Variants in PSTK observed in about 807,000 individuals in gnomAD.
The protein encoded by PSTK is L-seryl-tRNA(Sec) kinase.
A neutral mutation model predicts 38.6 loss-of-function variants in PSTK; 26 were observed. The observed-to-expected ratio is 0.67, with a 90% CI of 0.49 to 0.94. The LOEUF is 0.94. Ranked by LOEUF, PSTK falls within the 40% of genes least tolerant of loss-of-function variation. The pLI is 0.00. For synonymous variants in PSTK, 181 were observed against 161.7 expected (o/e 1.12, Z -0.91); for missense variants, 445 against 436.3 (o/e 1.02, Z -0.18).
In PSTK at chr10:122,980,415, T is replaced by G; in HGVS notation, c.-65T>G. On this transcript the variant is annotated 5_prime_UTR_variant, in exon 1 of 6. Transcript: ENST00000406217. The surrounding 1 kb of genome is among the most constrained non-coding windows in gnomAD (Gnocchi z 4.3). ...CGGTAGGCGGCGGAGACGCTGCGCGTGCGCGCAGGGCAGACGGTAGAGCGG... is the reference window on the plus strand; with the variant it reads ...CGGTAGGCGGCGGAGACGCTGCGCGGGCGCGCAGGGCAGACGGTAGAGCGG... 7.0e-7 allele frequency: 1 copy of G among 1,422,570 alleles called. No individual in the cohort carries two copies. The highest frequency in any genetic ancestry group is 9.3e-7 in the Non-Finnish European group (1 of 1,079,166). The allele number at this position is 1,422,570 out of a possible 1,614,324, so 88.1% of individuals were successfully genotyped here.
In PSTK at chr10:122,980,969, T is replaced by A; in HGVS notation, c.216+274T>A. ...TTTGATGCATGTATATGTTGTATATTCTATACAGTTGAGTCTTCAGACAGG... is the reference window on the plus strand; with the variant it reads ...TTTGATGCATGTATATGTTGTATATACTATACAGTTGAGTCTTCAGACAGG... On this transcript the variant is annotated intron_variant, in intron 1 of 5. Transcript: ENST00000406217. The surrounding 1 kb of genome is among the most constrained non-coding windows in gnomAD (Gnocchi z 4.3). 6.3e-6 allele frequency: 2 copies of A among 319,000 alleles called. No homozygotes were observed. The highest frequency in any genetic ancestry group is 9.1e-6 in the Non-Finnish European group (2 of 220,840). The allele number at this position is 319,000 out of a possible 1,614,324, so 19.8% of individuals were successfully genotyped here.
At chr10:122,981,562 CT>C (rs1428248586) in intron 1 of PSTK, among the ~76,000 whole-genome samples, 1 of 152,106 alleles carries the variant, frequency 6.6e-6, no homozygotes, top group East Asian at 1.9e-4. Flanking sequence ...TGTTTAATGC[CT>C]AATGTAGATG....
At chr10:122,981,515 T>C (rs185880608) in intron 1 of PSTK, among the ~76,000 whole-genome samples, 185 of 152,226 alleles carry the variant, frequency 1.2e-3, no homozygotes, top group Non-Finnish European at 2.2e-3. Flanking sequence ...TAAATACTCT[T>C]TGAAATATTC....
chr10:122,987,302 G>A (rs1228031259), intron 5 of PSTK: 2 of 1,589,222 alleles, frequency 1.3e-6, no homozygotes, highest in Admixed American at 1.8e-5. Context: ...AGGTAAGGCA[G>A]TGTAGTGATG....
chr10:122,990,065 T>A (rs1849109129), intron 5 of PSTK, 109 bp from the exon 6 acceptor site: 1 of 716,288 alleles, frequency 1.4e-6, no homozygotes, highest in South Asian at 2.1e-5. Context: ...ATTGTGATTG[T>A]TTATAGAATC....
Position 122,986,921 on chromosome 10 carries a change from C to T in PSTK, c.836C>T (p.Thr279Ile), listed in dbSNP as rs754050102. Residue 279 changes from threonine (T) to isoleucine (I), a missense_variant, in exon 5 of 6, where the codon ACA (threonine) becomes ATA (isoleucine). Physicochemically the swap from Thr to Ile is moderately conservative, Grantham distance 89 (BLOSUM62 -1). Coordinates refer to ENST00000406217, the MANE Select transcript of PSTK (RefSeq NM_001363531.2). Reference protein sequence around the residue: ...STNILHKTDQTLRRIVSQTMK... With the variant: ...STNILHKTDQILRRIVSQTMK... Reference sequence around the variant, plus strand: ...AACATTCTTCATAAAACTGATCAGACACTCCGAAGGATTGTATCTCAGACA... The same window carrying T: ...AACATTCTTCATAAAACTGATCAGATACTCCGAAGGATTGTATCTCAGACA... 21 of 1,612,646 alleles carry T rather than the reference C, an allele frequency of 1.3e-5. No individual in the cohort carries two copies. Among genetic ancestry groups the T allele is most frequent in the East Asian group, 4.5e-5 (2 of 44,864 alleles).
intron 4 of PSTK, 150 bp downstream of exon 4, chr10:122,986,525 C>T (rs1185740787): frequency 2.6e-5 from 17 of 656,860 alleles, no homozygotes; most frequent in Admixed American, 5.2e-5. Flanking sequence ...CAGCTCATGC[C>T]GGCTGGGCAA....
At position 122,980,624 on chromosome 10, in the gene PSTK, G is replaced by C. The variant is rs766902011; in HGVS notation, c.145G>C (p.Ala49Pro). 2 of 1,611,744 alleles carry C rather than the reference G, an allele frequency of 1.2e-6. No homozygotes were observed. Among genetic ancestry groups the C allele is most frequent in the Non-Finnish European group, 1.7e-6 (2 of 1,179,536 alleles). ...CCGGCTGCAGCAGGAGCAGGGTTGG[G>C]CCATCGGTGTTGTCGCGTATGATGA... The part of the protein sequence containing the change: ...AHRLQQEQGW[A>P]IGVVAYDDVM... Residue 49 changes from alanine to proline, a missense_variant, in exon 1 of 6, where the codon GCC becomes CCC. By Grantham distance (27) the Ala-to-Pro change is conservative. Coordinates refer to ENST00000406217, the MANE Select transcript of PSTK (RefSeq NM_001363531.2). This position sits in a 1 kb window ranked among gnomAD's most constrained non-coding sequence, Gnocchi z 4.3.
rs542118896 is a variant in PSTK, at chr10:122,980,451, C to T, written c.-29C>T. ...CAGACGGTAGAGCGGAGACGACGCT[C>T]CCAGACTCCTCCGGTCTCCCCGGGC... is the stretch of plus-strand genomic sequence containing the variant. On this transcript the variant is annotated 5_prime_UTR_variant, in exon 1 of 6. Transcript: ENST00000406217. This position sits in a 1 kb window ranked among gnomAD's most constrained non-coding sequence, Gnocchi z 4.3. The T allele has an allele frequency of 1.9e-6, 3 of 1,563,290 alleles. No individual in the cohort carries two copies. The highest frequency in any genetic ancestry group is 1.1e-5 in the South Asian group (1 of 87,406).
chr10:122,983,330 G>A lies in PSTK; in HGVS notation c.567G>A (p.Arg189=). 1 of 1,614,200 alleles carries A rather than the reference G, an allele frequency of 6.2e-7. No homozygotes were observed. The highest frequency in any genetic ancestry group is 1.1e-5 in the South Asian group (1 of 91,082). The change falls in exon 3 of 6, where the codon AGG becomes AGA. Residue 189 remains arginine, a synonymous_variant. Coordinates refer to ENST00000406217, the MANE Select transcript of PSTK (RefSeq NM_001363531.2). ...GTCCTCTTGAGACCTGTTTACAGAG[G>A]AATGGCCAGAGGCCACAGGCACTGC... ...LDCPLETCLQ[R]NGQRPQALPP... is the part of the protein sequence containing the mutation.
intron 5 of PSTK, among the ~76,000 whole-genome samples, chr10:122,989,178 T>TGGGGGGCGGGG (rs920937921): frequency 1.6e-4 from 2 of 12,146 alleles, no homozygotes; most frequent in African/African-American, 8.9e-4. Flanking sequence ...TGCTTAGAGA[T>TGGGGGGCGGGG]GGGGGGCGGG....
In PSTK at chr10:122,989,105, T is replaced by C. The variant is rs578078801; in HGVS notation, c.878-1069T>C. Among the ~76,000 whole-genome samples the C allele has an allele frequency of 1.1e-3, 158 of 145,138 alleles. No individual in the cohort carries two copies. The Middle Eastern group carries it at 0.015, about 14-fold the overall frequency. ...CAGTCCCAAAGACCAAGTGTATGTA[T>C]ACTTCCAGTCATACGAAATGTCCTG... On this transcript the variant is annotated intron_variant, in intron 5 of 5. Coordinates refer to ENST00000406217, the MANE Select transcript of PSTK (RefSeq NM_001363531.2).
intron 5 of PSTK, chr10:122,987,627 C>A: frequency 1.5e-6 from 2 of 1,361,868 alleles, no homozygotes; most frequent in Non-Finnish European, 2.0e-6. Flanking sequence ...TAGAGTTTTA[C>A]ACAGTAATTC....
chr10:122,987,114 A>C, intron 5 of PSTK, 152 bp downstream of exon 5: 1 of 896,160 alleles, frequency 1.1e-6, no homozygotes, highest in South Asian at 1.6e-5. Context: ...TGTAACTAAA[A>C]ATTCTACCTC....
chr10:122,987,977 CA>C (rs1471560526), intron 5 of PSTK, among the ~76,000 whole-genome samples: 1 of 152,126 alleles, frequency 6.6e-6, no homozygotes, highest in Non-Finnish European at 1.5e-5. Flanking sequence ...AACAATATAC[CA>C]GCCATACTGT....
chr10:122,990,329 G>C lies in PSTK; in HGVS notation c.1033G>C (p.Glu345Gln). The C allele has an allele frequency of 1.3e-6, 2 of 1,513,096 alleles. No homozygotes were observed. Among genetic ancestry groups the C allele is most frequent in the Non-Finnish European group, 1.8e-6 (2 of 1,132,140 alleles). The allele number at this position is 1,513,096 out of a possible 1,614,324, so 93.7% of individuals were successfully genotyped here. ...AGATGTCATTTCTTTTTTTCATTAT[G>C]AGAAAGATAATATTGTACAGAAGTA... ...IPDVISFFHY[E>Q]KDNIVQKYFS... The change falls in exon 6 of 6, where the codon GAG (glutamate) becomes CAG (glutamine). Residue 345 changes from glutamate to glutamine, a missense_variant. By Grantham distance (29) the Glu-to-Gln change is conservative (BLOSUM62 2). Transcript: ENST00000406217.
chr10:122,987,232 G>T, intron 5 of PSTK: 1 of 1,438,584 alleles, frequency 7.0e-7, no homozygotes. Flanking sequence ...ATTCTAATGA[G>T]GAGACAGACA....
At position 122,982,772 on chromosome 10, in the gene PSTK, T is replaced by C; in HGVS notation, c.256T>C (p.Tyr86His). ...ATTGCTTCGACAGGAACTGTTGAAG[T>C]ACCTGGAATACTTCTTGATGGCTGT... ...WKLLRQELLKYLEYFLMAVIN... is the reference protein window; with the variant it reads ...WKLLRQELLKHLEYFLMAVIN... Residue 86 changes from tyrosine (Y) to histidine (H), a missense_variant, in exon 2 of 6, where the codon TAC becomes CAC. By Grantham distance (83) the Tyr-to-His change is moderately conservative. Transcript: ENST00000406217. The C allele has an allele frequency of 6.2e-7, 1 of 1,614,234 alleles. No homozygotes were observed. Among genetic ancestry groups the C allele is most frequent in the Non-Finnish European group, 8.5e-7 (1 of 1,180,038 alleles).
Position 122,986,983 on chromosome 10 carries a change from G to T in PSTK, c.877+21G>T, listed in dbSNP as rs759739226. 2.7e-6 allele frequency: 4 copies of T among 1,473,996 alleles called. No homozygotes were observed. The South Asian group carries it at 4.5e-5, about 17-fold the overall frequency. 91.3% of individuals were successfully genotyped at this position (1,473,996 alleles called of 1,614,324 possible). On this transcript the variant is annotated intron_variant, in intron 5 of 5. Transcript: ENST00000406217. ...AAAAGGTATGATGTGTCAGTTATGTGTTGAGTTGGTATGATTGTGACTTTC... is the reference window on the plus strand; with the variant it reads ...AAAAGGTATGATGTGTCAGTTATGTTTTGAGTTGGTATGATTGTGACTTTC...
Sources: allele counts gnomAD v4.1 joint callset (sites outside exome capture counted in the v4.1 genomes callset), GRCh38; gene constraint gnomAD v4.1.1; non-coding constraint Gnocchi (gnomAD v3.1); transcripts MANE v1.5; gene names NCBI Gene and HGNC (gene_info 2026-07-23, HGNC 2026-07-21).